Variants in TCF4 observed in about 807,000 individuals in gnomAD.
TCF4 encodes the protein transcription factor 4.
In TCF4, 3 loss-of-function variants were observed where a neutral mutation model predicts 82.1. The ratio of observed to expected loss-of-function variants is 0.04; its 90% confidence interval spans 0.02 to 0.09. The LOEUF (loss-of-function observed/expected upper bound fraction) is 0.09, where lower values mean the gene tolerates loss of function less well. Ranked by LOEUF, TCF4 falls within the 10% of genes least tolerant of loss-of-function variation. The pLI, the probability that TCF4 is intolerant of heterozygous loss-of-function variation, is 1.00. For missense variants in TCF4, 518 were observed against 852.7 expected (o/e 0.61, Z 4.89); for synonymous variants, 276 against 309.6 (o/e 0.89, Z 1.14).
At chr18:55,450,072 G>C (rs1220057808) in intron 5 of TCF4, among the ~76,000 whole-genome samples, 5 of 152,176 alleles carry the variant, frequency 3.3e-5, no homozygotes, top group Non-Finnish European at 7.3e-5. Context: ...CAACTACTTA[G>C]ATGAGAAATT....
chr18:55,626,609 G>A (rs2097726759), intron 2 of TCF4, among the ~76,000 whole-genome samples: 1 of 152,150 alleles, frequency 6.6e-6, no homozygotes, highest in African/African-American at 2.4e-5. Flanking sequence ...TCAAAGAAAT[G>A]GGCATATGTA....
rs1054290306 is a variant in TCF4 at position 55,336,564 on chromosome 18, T to C, written c.549+13795A>G. On this transcript the variant is annotated intron_variant, in intron 8 of 19. Coordinates refer to ENST00000354452, the MANE Select transcript of TCF4 (RefSeq NM_001083962.2). ...AGTATTATCAAACAATTTTGCTTTC[T>C]TTAGGGGGCAAGAAAAAGAAAGAAG... 4.6e-5 allele frequency among the ~76,000 whole-genome samples: 7 copies of C among 152,218 alleles called. No homozygotes were observed. The South Asian group carries it at 1.4e-3, about 32-fold the overall frequency.
chr18:55,378,750 A>G (rs180859451), intron 6 of TCF4, among the ~76,000 whole-genome samples: 289 of 152,356 alleles, frequency 1.9e-3, no homozygotes, highest in South Asian at 5.8e-3. Flanking sequence ...ACAGAAAACT[A>G]TACTACTTAT....
At position 55,260,096 on chromosome 18, in the gene TCF4, G is replaced by A. The variant is rs985096364; in HGVS notation, c.991-69C>T. ...AATAATTCACACTTTTCTAAACTACGAAGTTGTCAACGCAATTCATTTAGA... is the reference window on the plus strand; with the variant it reads ...AATAATTCACACTTTTCTAAACTACAAAGTTGTCAACGCAATTCATTTAGA... On this transcript the variant is annotated intron_variant, in intron 12 of 19. Transcript: ENST00000354452. 52 of 1,229,626 alleles carry A rather than the reference G, an allele frequency of 4.2e-5. No individual in the cohort carries two copies. In the Middle Eastern group the frequency reaches 1.6e-3, roughly 39 times the overall value. 76.2% of individuals were successfully genotyped at this position (1,229,626 alleles called of 1,614,324 possible).
At chr18:55,411,395 T>C (rs1240094006) in intron 5 of TCF4, among the ~76,000 whole-genome samples, 2 of 152,210 alleles carry the variant, frequency 1.3e-5, no homozygotes, top group Non-Finnish European at 2.9e-5. Context: ...TAAGGACTTG[T>C]GTGGTCTTAG....
At chr18:55,632,033 G>A (rs940362405) in intron 1 of TCF4, among the ~76,000 whole-genome samples, 4 of 151,914 alleles carry the variant, frequency 2.6e-5, no homozygotes, top group Admixed American at 6.6e-5. Context: ...TGTTGTTGTT[G>A]TTGTTTTTGT....
At chr18:55,324,614 C>T (rs1220890836) in intron 8 of TCF4, among the ~76,000 whole-genome samples, 1 of 152,120 alleles carries the variant, frequency 6.6e-6, no homozygotes, top group East Asian at 1.9e-4. Flanking sequence ...ACAGTTTTCA[C>T]AGTAGTGTAT....
chr18:55,330,051 C>T (rs144623132), intron 8 of TCF4, among the ~76,000 whole-genome samples: 7 of 152,218 alleles, frequency 4.6e-5, no homozygotes, highest in African/African-American at 1.7e-4. Flanking sequence ...CTACTTAGTA[C>T]CATCATATAG....
At position 55,234,681 on chromosome 18, in the gene TCF4, C is replaced by T. The variant is rs1050639274; in HGVS notation, c.1353G>A (p.Val451=). 1.9e-6 allele frequency: 3 copies of T among 1,614,116 alleles called. No individual in the cohort carries two copies. The highest frequency in any genetic ancestry group is 1.7e-6 in the Non-Finnish European group (2 of 1,180,006). The part of the protein sequence containing the change: ...LLSANRHSLM[V]GTHREDGVAL... ...CCACGCCATCTTCACGATGGGTCCC[C>T]ACCTGAAAGGGCGAGAGGAACCAGA... Residue 451 remains valine (V), a splice_region_variant and synonymous_variant, in exon 16 of 20, where the codon GTG becomes GTA. Transcript: ENST00000354452.
rs1421109657 is a variant in TCF4, at chr18:55,222,797, T to C, written c.*5238A>G. 6.6e-6 allele frequency: 1 copy of C among 152,654 alleles called. No individual in the cohort carries two copies. Among genetic ancestry groups the C allele is most frequent in the Non-Finnish European group, 1.5e-5 (1 of 68,034 alleles). The allele number at this position is 152,654 out of a possible 1,614,324, so 9.5% of individuals were successfully genotyped here. A position where few individuals can be genotyped will look rare whatever the true frequency, so the allele number is the denominator to read the frequency against. On this transcript the variant is annotated 3_prime_UTR_variant, in exon 20 of 20. Transcript: ENST00000354452. ...TTAACTTACAGTACATAACACTGAATAATTTTAATCTGTACATTTTTTTCC... is the reference window on the plus strand; with the variant it reads ...TTAACTTACAGTACATAACACTGAACAATTTTAATCTGTACATTTTTTTCC...
rs769678336 is a variant in TCF4, at chr18:55,228,291, G to A, written c.1950C>T (p.Pro650=). 1.2e-6 allele frequency: 2 copies of A among 1,614,084 alleles called. No individual in the cohort carries two copies. The highest frequency in any genetic ancestry group is 1.7e-6 in the Non-Finnish European group (2 of 1,179,998). ...GGTGTGGGCCGGCCAAGGAGAGAGGGGGAGGCTCTGAGGACACCTTCTCTT... is the reference window on the plus strand; with the variant it reads ...GGTGTGGGCCGGCCAAGGAGAGAGGAGGAGGCTCTGAGGACACCTTCTCTT... ...REEEKVSSEP[P]PLSLAGPHPG... The change falls in exon 19 of 20, where the codon CCC becomes CCT. Residue 650 remains proline (P), a synonymous_variant. Coordinates refer to ENST00000354452, the MANE Select transcript of TCF4 (RefSeq NM_001083962.2).
intron 3 of TCF4, among the ~76,000 whole-genome samples, chr18:55,513,609 A>C (rs2096851001): frequency 1.3e-5 from 2 of 152,176 alleles, no homozygotes. Flanking sequence ...CTACAAATGC[A>C]TCCTTCAGTT....
At chr18:55,456,615 G>A (rs1175363644) in intron 5 of TCF4, among the ~76,000 whole-genome samples, 1 of 152,120 alleles carries the variant, frequency 6.6e-6, no homozygotes, top group African/African-American at 2.4e-5. Context: ...GGAGCAAACA[G>A]TTTTAGCTAG....
chr18:55,455,529 G>GAAA (rs201720174), intron 5 of TCF4, among the ~76,000 whole-genome samples: 96 of 116,878 alleles, frequency 8.2e-4, no homozygotes, highest in African/African-American at 2.9e-3. Flanking sequence ...GGTGTTATTG[G>GAAA]AAAAAAAAAA....
intron 6 of TCF4, among the ~76,000 whole-genome samples, chr18:55,366,009 TATAG>T (rs1381457815): frequency 2.0e-5 from 2 of 100,828 alleles, no homozygotes; most frequent in Non-Finnish European, 4.1e-5. Flanking sequence ...TAGATATAGA[TATAG>T]ATATAGATAT....
intron 2 of TCF4, chr18:55,596,042 G>C (rs1603625122): frequency 7.7e-6 from 3 of 390,860 alleles, no homozygotes; most frequent in Non-Finnish European, 1.5e-5. Context: ...TGACCAGCCT[G>C]GCCAACGTGG....
At chr18:55,593,043 T>C (rs940716462), upstream of TCF4, among the ~76,000 whole-genome samples, 1 of 152,202 alleles carries the variant, frequency 6.6e-6, no homozygotes, top group Non-Finnish European at 1.5e-5. Flanking sequence ...AAAAAGATTA[T>C]TTACATTTCA....
At chr18:55,618,849 A>G (rs2097714837) in intron 2 of TCF4, among the ~76,000 whole-genome samples, 2 of 151,976 alleles carry the variant, frequency 1.3e-5, no homozygotes, top group South Asian at 4.1e-4. Flanking sequence ...AACTTCCTAA[A>G]GTGCTGGGTT....
intron 3 of TCF4, among the ~76,000 whole-genome samples, chr18:55,475,060 T>C (rs2096263256): frequency 6.6e-6 from 1 of 152,220 alleles, no homozygotes; most frequent in Admixed American, 6.5e-5. Flanking sequence ...ACAAAAACAG[T>C]ACTATTATCA....
Sources: allele counts gnomAD v4.1 joint callset (sites outside exome capture counted in the v4.1 genomes callset), GRCh38; gene constraint gnomAD v4.1.1; transcripts MANE v1.5; gene names NCBI Gene and HGNC (gene_info 2026-07-23, HGNC 2026-07-21).